Variants in SLC12A3 observed in about 807,000 individuals in gnomAD.
The protein encoded by SLC12A3 is Na-Cl cotransporter.
Under a neutral mutation model 121.0 loss-of-function variants are expected in SLC12A3, and 104 were observed. That is an observed-to-expected ratio of 0.86 (90% CI 0.73 to 1.01). The LOEUF (loss-of-function observed/expected upper bound fraction) is 1.01, where lower values mean the gene tolerates loss of function less well. Ranked by LOEUF, SLC12A3 falls within the 50% of genes least tolerant of loss-of-function variation. The pLI is 0.00. For synonymous variants in SLC12A3, 536 were observed against 533.4 expected, an observed-to-expected ratio of 1.00 and a Z score of -0.07; for missense variants, 1,328 against 1,356.3, an observed-to-expected ratio of 0.98 and a Z score of 0.33.
rs544004920 is a variant in SLC12A3, at chr16:56,870,008, G to A, written c.602-88G>A. The A allele has an allele frequency of 1.4e-5, 22 of 1,562,626 alleles. No individual in the cohort carries two copies. In the South Asian group the frequency reaches 1.9e-4, roughly 13 times the overall value. On this transcript the variant is annotated intron_variant, in intron 4 of 25. Transcript: ENST00000563236. ...TATCTCCTGCCCCGTGGGTCCTGTGGCCACCCTCTCCTGGCCTCTGCCTGC... is the reference window on the plus strand; with the variant it reads ...TATCTCCTGCCCCGTGGGTCCTGTGACCACCCTCTCCTGGCCTCTGCCTGC...
chr16:56,904,520 C>T, intron 25 of SLC12A3, 58 bp downstream of exon 25: 1 of 1,546,260 alleles, frequency 6.5e-7, no homozygotes, highest in South Asian at 1.1e-5. Flanking sequence ...TGTCTCAGCT[C>T]TGGGAAGGGG....
chr16:56,904,258 A>G (rs750905029), intron 24 of SLC12A3, 137 bp from the exon 25 acceptor site: 6 of 842,736 alleles, frequency 7.1e-6, no homozygotes, highest in East Asian at 2.6e-5. Flanking sequence ...AGGAGACTCT[A>G]TAAGAATTTA....
At chr16:56,893,406 A>C (rs2144745118) in intron 21 of SLC12A3, among the ~76,000 whole-genome samples, 1 of 152,360 alleles carries the variant, frequency 6.6e-6, no homozygotes, top group South Asian at 2.1e-4. Context: ...AAAACAAAAA[A>C]AGTGACTTTA....
intron 22 of SLC12A3, among the ~76,000 whole-genome samples, chr16:56,895,207 T>TTTTTTTTTTG (rs2055446044): frequency 6.8e-6 from 1 of 147,276 alleles, no homozygotes; most frequent in African/African-American, 2.5e-5. Flanking sequence ...TTTTTTTTTT[T>TTTTTTTTTTG]TTGAGATGGA....
At position 56,885,483 on chromosome 16, in the gene SLC12A3, C is replaced by T. The variant is rs1049420796; in HGVS notation, c.1925+119C>T. ...GCAGACCCAGGGTATGTGCAGCCTC[C>T]ACTCAGAGAGGGAACAGACATGGAG... On this transcript the variant is annotated intron_variant, in intron 15 of 25. Coordinates refer to ENST00000563236, the MANE Select transcript of SLC12A3 (RefSeq NM_001126108.2). 8.5e-5 allele frequency: 62 copies of T among 732,648 alleles called. No individual in the cohort carries two copies. The Middle Eastern group carries it at 1.9e-3, about 23-fold the overall frequency. The allele number at this position is 732,648 out of a possible 1,614,324, so 45.4% of individuals were successfully genotyped here.
chr16:56,865,605 C>A, intron 1 of SLC12A3, 88 bp downstream of exon 1: 1 of 1,435,640 alleles, frequency 7.0e-7, no homozygotes, highest in Non-Finnish European at 9.6e-7. Flanking sequence ...GTTCTGTCAT[C>A]TGTGCCATGG....
chr16:56,915,525 G>A lies in SLC12A3; in HGVS notation c.*2120G>A, dbSNP rs1167344179. ...CTAGGAACAGCTCTCGTGCTCCTGAGGGACCTGGAGGATGGGCCTGCCTCC... is the reference window on the plus strand; with the variant it reads ...CTAGGAACAGCTCTCGTGCTCCTGAAGGACCTGGAGGATGGGCCTGCCTCC... On this transcript the variant is annotated 3_prime_UTR_variant, in exon 26 of 26. Transcript: ENST00000563236. 2 of 152,248 alleles carry A rather than the reference G, an allele frequency of 1.3e-5. No individual in the cohort carries two copies. Among genetic ancestry groups the A allele is most frequent in the Non-Finnish European group, 2.9e-5 (2 of 68,062 alleles). 9.4% of individuals were successfully genotyped at this position (152,248 alleles called of 1,614,324 possible). A position where few individuals can be genotyped will look rare whatever the true frequency, so the allele number is the denominator to read the frequency against.
At chr16:56,895,017 GAA>G (rs200092896) in intron 22 of SLC12A3, among the ~76,000 whole-genome samples, 13 of 142,386 alleles carry the variant, frequency 9.1e-5, no homozygotes, top group South Asian at 4.4e-4. Context: ...AAGAAAAATA[GAA>G]AAAAAAAAAG....
At position 56,913,610 on chromosome 16, in the gene SLC12A3, A is replaced by G. The variant is rs5805; in HGVS notation, c.*205A>G. The G allele has an allele frequency of 0.56, 355,896 of 632,332 alleles. 103,126 individuals are homozygous for G. The highest frequency in any genetic ancestry group is 0.82 in the African/African-American group (45,247 of 55,490). The allele number at this position is 632,332 out of a possible 1,614,324, so 39.2% of individuals were successfully genotyped here. A position where few individuals can be genotyped will look rare whatever the true frequency, so the allele number is the denominator to read the frequency against. On this transcript the variant is annotated 3_prime_UTR_variant, in exon 26 of 26. Coordinates refer to ENST00000563236, the MANE Select transcript of SLC12A3 (RefSeq NM_001126108.2). The stretch of plus-strand genomic sequence containing the variant: ...CACATTCCCTGGGTCTTGTGTTTAT[A>G]GGCTAGAGAAATAGCAGATGGAGCT...
In SLC12A3 at chr16:56,880,138, C is replaced by T. The variant is rs1028685823; in HGVS notation, c.1452C>T (p.Cys484=). The T allele has an allele frequency of 1.1e-5, 18 of 1,605,800 alleles. No individual in the cohort carries two copies. The highest frequency in any genetic ancestry group is 1.1e-4 in the African/African-American group (8 of 74,862). Residue 484 remains cysteine, a synonymous_variant, in exon 12 of 26, where the codon TGC becomes TGT. Transcript: ENST00000563236. The stretch of plus-strand genomic sequence containing the variant: ...GGCATCTGGTGCTGCAGTGCCTTTG[C>T]GAGGACCAGCTGTACCCACTGATCG... ...VSAAKVFQCL[C]EDQLYPLIGF...
Position 56,913,295 on chromosome 16 carries a change from C to A in SLC12A3, c.2956C>A (p.Pro986Thr). 2 of 1,614,158 alleles carry A rather than the reference C, an allele frequency of 1.2e-6. No homozygotes were observed. The highest frequency in any genetic ancestry group is 1.1e-5 in the South Asian group (1 of 91,076). Residue 986 changes from proline to threonine, a missense_variant, in exon 26 of 26, where the codon CCC becomes ACC. Physicochemically the swap from Pro to Thr is conservative, Grantham distance 38 (BLOSUM62 -1). Coordinates refer to ENST00000563236, the MANE Select transcript of SLC12A3 (RefSeq NM_001126108.2). Reference sequence around the variant, plus strand: ...GCCCATAGGGAGGAAGGGGAAGTGCCCCAGCTCGCTGTACATGGCCTGGCT... The same window carrying A: ...GCCCATAGGGAGGAAGGGGAAGTGCACCAGCTCGCTGTACATGGCCTGGCT... ...TLPIGRKGKC[P>T]SSLYMAWLET...
At chr16:56,879,931 G>A (rs1364590494) in intron 11 of SLC12A3, among the ~76,000 whole-genome samples, 199 bp from the exon 12 acceptor site, 3 of 152,098 alleles carry the variant, frequency 2.0e-5, no homozygotes, top group Non-Finnish European at 4.4e-5. Context: ...CCATCCCCCA[G>A]TCATGCTCTT....
In SLC12A3 at chr16:56,872,434, G is replaced by C; in HGVS notation, c.936G>C (p.Lys312Asn). The change falls in exon 7 of 26, where the codon AAG becomes AAC. Residue 312 changes from lysine to asparagine, a missense_variant. Physicochemically the swap from Lys to Asn is moderately conservative, Grantham distance 94 (BLOSUM62 0). Coordinates refer to ENST00000563236, the MANE Select transcript of SLC12A3 (RefSeq NM_001126108.2). ...CGCTGATCCCCCCATCTGAGGACAA[G>C]GCCTCCAAAGGCTTCTTCAGCTACC... ...VGTLIPPSED[K>N]ASKGFFSYRA... The C allele has an allele frequency of 6.2e-7, 1 of 1,614,058 alleles. No individual in the cohort carries two copies. Among genetic ancestry groups the C allele is most frequent in the Non-Finnish European group, 8.5e-7 (1 of 1,179,990 alleles).
chr16:56,902,531 G>GGGGGGGGGGGGCC, intron 24 of SLC12A3, 23 bp downstream of exon 24: 8 of 714,542 alleles, frequency 1.1e-5, no homozygotes, highest in African/African-American at 1.8e-5. Context: ...GTGGGGGTGG[G>GGGGGGGGGGGGCC]AAACGCGACA....
At chr16:56,874,887 G>A (rs1391416230) in intron 8 of SLC12A3, among the ~76,000 whole-genome samples, 1 of 152,218 alleles carries the variant, frequency 6.6e-6, no homozygotes, top group Non-Finnish European at 1.5e-5. Flanking sequence ...TATGCACCAG[G>A]TGGTGTTGGG....
intron 3 of SLC12A3, among the ~76,000 whole-genome samples, chr16:56,868,789 G>A (rs560806203): frequency 6.6e-6 from 1 of 152,264 alleles, no homozygotes; most frequent in African/African-American, 2.4e-5. Context: ...GGCCAACATG[G>A]TGAAACCCTG....
intron 2 of SLC12A3, among the ~76,000 whole-genome samples, chr16:56,867,828 C>G (rs1596887046): frequency 6.6e-6 from 1 of 152,228 alleles, no homozygotes; most frequent in Admixed American, 6.5e-5. Flanking sequence ...AAGCTTCAGC[C>G]TCCATCTCGG....
In SLC12A3 at chr16:56,878,094, C is replaced by T. The variant is rs748226405; in HGVS notation, c.1113C>T (p.Ile371=). The T allele has an allele frequency of 1.9e-5, 28 of 1,492,828 alleles. No individual in the cohort carries two copies. Among genetic ancestry groups the T allele is most frequent in the Non-Finnish European group, 2.4e-5 (26 of 1,101,714 alleles). 92.5% of individuals were successfully genotyped at this position (1,492,828 alleles called of 1,614,324 possible). ...SGDLKDPAIA[I]PKGTLMAIFW... ...TCCTTCAGGACCCTGCTATAGCCAT[C>T]CCCAAGGGGACCCTCATGGCCATTT... Residue 371 remains isoleucine, a synonymous_variant, in exon 9 of 26, where the codon ATC becomes ATT. Transcript: ENST00000563236.
intron 12 of SLC12A3, 68 bp downstream of exon 12, chr16:56,880,321 G>T: frequency 6.5e-7 from 1 of 1,528,274 alleles, no homozygotes; most frequent in South Asian, 1.2e-5. Flanking sequence ...GGGTCTTGGG[G>T]GCCGGGCTCT....
Sources: gnomAD v4.1 joint callset for allele counts (sites outside exome capture counted in the v4.1 genomes callset) on GRCh38, gnomAD v4.1.1 for gene constraint, MANE v1.5 for transcripts, NCBI Gene and HGNC (gene_info 2026-07-23, HGNC 2026-07-21) for gene names.